The following C20orf96 variants were observed in gnomAD, a reference collection of about 807,000 sequenced individuals.
C20orf96 encodes chromosome 20 open reading frame 96, also known as uncharacterized protein C20orf96.
In C20orf96, 57 loss-of-function variants were observed where a neutral mutation model predicts 52.6. The observed-to-expected ratio is 1.08, with a 90% CI of 0.88 to 1.35. The LOEUF (loss-of-function observed/expected upper bound fraction) is 1.35. Among genes scored for constraint, C20orf96 ranks in the 40% most tolerant of loss-of-function variants. The pLI is 0.00. For missense variants in C20orf96, 478 were observed against 443.6 expected (o/e 1.08, Z -0.70); for synonymous variants, 168 against 157.2 (o/e 1.07, Z -0.51).
Position 275,904 on chromosome 20 carries a change from C to A in C20orf96, c.1031+64G>T, listed in dbSNP as rs564099467. 232 of 1,491,490 alleles carry A rather than the reference C, an allele frequency of 1.6e-4. 1 individual carries two copies. Among genetic ancestry groups the A allele is most frequent in the South Asian group, 1.2e-3 (105 of 88,530 alleles). The allele number at this position is 1,491,490 out of a possible 1,614,324, so 92.4% of individuals were successfully genotyped here. ...CACACCAGGCTGCCTTCCCCAAGAACAGAGAGCCTCCGTGAGCTCAGAGTG... is the reference window on the plus strand; with the variant it reads ...CACACCAGGCTGCCTTCCCCAAGAAAAGAGAGCCTCCGTGAGCTCAGAGTG... On this transcript the variant is annotated intron_variant, in intron 10 of 10. Transcript: ENST00000360321.
rs568247597 is a variant in C20orf96, at chr20:285,547, A to G, written c.188-1466T>C. Among the ~76,000 whole-genome samples the G allele has an allele frequency of 2.0e-5, 3 of 152,290 alleles. No individual in the cohort carries two copies. The East Asian group carries it at 5.8e-4, about 29-fold the overall frequency. On this transcript the variant is annotated intron_variant, in intron 3 of 10. Coordinates refer to ENST00000360321, the MANE Select transcript of C20orf96 (RefSeq NM_153269.3). ...ATTAATAGGTTAATCTTGTGATTCT[A>G]ATTTTAAAAGTGTAAGTGGGATTTT...
In C20orf96 at chr20:278,474, C is replaced by G. The variant is rs759529022; in HGVS notation, c.466-45G>C. On this transcript the variant is annotated intron_variant, in intron 5 of 10. Transcript: ENST00000360321. ...AACTCACCCACAGGCTCTGCTGGCT[C>G]TCAGAGGCGGCCACCCAGCACTTCC... is the stretch of plus-strand genomic sequence containing the variant. 6.1e-5 allele frequency: 93 copies of G among 1,513,354 alleles called. No individual in the cohort carries two copies. In the Middle Eastern group the frequency reaches 8.5e-4, roughly 14 times the overall value. 93.7% of individuals were successfully genotyped at this position (1,513,354 alleles called of 1,614,324 possible).
At chr20:274,085 C>A (rs79071004) in intron 10 of C20orf96, among the ~76,000 whole-genome samples, 19,593 of 151,992 alleles carry the variant, frequency 0.13, 1,910 homozygotes, top group African/African-American at 0.28. Flanking sequence ...GATTCATGAG[C>A]CCCACTGAGA....
intron 3 of C20orf96, among the ~76,000 whole-genome samples, chr20:285,130 C>A (rs1253547493): frequency 1.3e-5 from 2 of 152,162 alleles, no homozygotes; most frequent in African/African-American, 4.8e-5. Flanking sequence ...GAAGTGGGAC[C>A]ACAACACCAG....
chr20:287,908 C>CAAAAAAA lies in C20orf96; in HGVS notation c.187+1644_187+1650dup, dbSNP rs71327437. Among the ~76,000 whole-genome samples the CAAAAAAA allele has an allele frequency of 5.0e-3, 313 of 63,064 alleles. 13 individuals are homozygous for CAAAAAAA. The highest frequency in any genetic ancestry group is 0.017 in the African/African-American group (297 of 17,396). The allele number at this position is 63,064 out of a possible 152,430, so 41.4% of individuals were successfully genotyped here. A position where few individuals can be genotyped will look rare whatever the true frequency, so the allele number is the denominator to read the frequency against. On this transcript the variant is annotated intron_variant, in intron 3 of 10. Transcript: ENST00000360321. ...TGAGCAACAAAGCGAGACTCCTTCTCAAAAAAAAAAAAAAAAAAAAAAGTC... is the reference window on the plus strand; with the variant it reads ...TGAGCAACAAAGCGAGACTCCTTCTCAAAAAAAAAAAAAAAAAAAAAAAAAAAAAGTC...
chr20:290,055 C>G (rs2012496847), intron 2 of C20orf96, among the ~76,000 whole-genome samples: 2 of 152,148 alleles, frequency 1.3e-5, no homozygotes, highest in South Asian at 4.1e-4. Flanking sequence ...ATAATATACC[C>G]TTACATTCTG....
intron 10 of C20orf96, 146 bp from the exon 11 acceptor site, chr20:271,413 C>T (rs1600181301): frequency 1.7e-6 from 1 of 596,768 alleles, no homozygotes; most frequent in Non-Finnish European, 3.0e-6. Flanking sequence ...CTATCTGTGA[C>T]CTCAAAGCCC....
At position 277,347 on chromosome 20, in the gene C20orf96, A is replaced by G. The variant is rs112677690; in HGVS notation, c.602T>C (p.Ile201Thr). ...GTTCACTTCCTCCTGGGTCTTCTCA[A>G]TCTTGGCATTCAGCTGCTCTGCCTG... ...EQQAEQLNAK[I>T]EKTQEEVNFL... The change falls in exon 7 of 11, where the codon ATT (isoleucine) becomes ACT (threonine). Residue 201 changes from isoleucine to threonine, a missense_variant. Transcript: ENST00000360321. 55 of 1,614,074 alleles carry G rather than the reference A, an allele frequency of 3.4e-5. No individual in the cohort carries two copies. The African/African-American group carries it at 5.3e-4, about 16-fold the overall frequency.
intron 10 of C20orf96, among the ~76,000 whole-genome samples, chr20:272,368 TTTG>T (rs1326871428): frequency 3.9e-5 from 6 of 152,138 alleles, no homozygotes; most frequent in Non-Finnish European, 7.4e-5. Context: ...TGGTTTTTGT[TTTG>T]TTTTGTTTTG....
At chr20:273,670 G>GT (rs1454663339) in intron 10 of C20orf96, among the ~76,000 whole-genome samples, 1 of 151,694 alleles carries the variant, frequency 6.6e-6, no homozygotes, top group Non-Finnish European at 1.5e-5. Context: ...GAGGTCAGGA[G>GT]TTTGAGACCA....
At chr20:279,090 GGGACGGAGGGAC>G in intron 5 of C20orf96, 70 bp downstream of exon 5, 3 of 908,262 alleles carry the variant, frequency 3.3e-6, no homozygotes, top group African/African-American at 3.4e-5. Context: ...GACGGAGGGC[GGGACGGAGGGAC>G]GGAGGGAGGG....
intron 4 of C20orf96, among the ~76,000 whole-genome samples, chr20:279,566 G>C (rs1420829197): frequency 6.6e-6 from 1 of 152,142 alleles, no homozygotes; most frequent in Non-Finnish European, 1.5e-5. Flanking sequence ...CTGAGGTGCG[G>C]GTGCATCTAC....
intron 10 of C20orf96, 86 bp downstream of exon 10, chr20:275,882 A>C (rs1408247748): frequency 7.7e-7 from 1 of 1,302,206 alleles, no homozygotes; most frequent in Admixed American, 1.7e-5. Context: ...TGCCATCCAC[A>C]CCAGGCTGCC....
chr20:279,100 G>A, intron 5 of C20orf96, 72 bp downstream of exon 5: 1 of 985,526 alleles, frequency 1.0e-6, no homozygotes, highest in Non-Finnish European at 1.3e-6. Flanking sequence ...GGGACGGAGG[G>A]ACGGAGGGAG....
At chr20:273,479 C>G (rs2011905188) in intron 10 of C20orf96, among the ~76,000 whole-genome samples, 1 of 152,180 alleles carries the variant, frequency 6.6e-6, no homozygotes, top group Non-Finnish European at 1.5e-5. Flanking sequence ...AGCTCCGTGT[C>G]AATGCCAAGT....
chr20:289,691 A>G lies in C20orf96; in HGVS notation c.70-15T>C, dbSNP rs775785622. 7 of 1,575,970 alleles carry G rather than the reference A, an allele frequency of 4.4e-6. No individual in the cohort carries two copies. Among genetic ancestry groups the G allele is most frequent in the Non-Finnish European group, 5.2e-6 (6 of 1,145,384 alleles). The stretch of plus-strand genomic sequence containing the variant: ...GGAACATAATCCTACAAAATATACA[A>G]TCAGTCACATAGCACCATGAGTTTA... On this transcript the variant is annotated splice_polypyrimidine_tract_variant and intron_variant, in intron 2 of 10. Transcript: ENST00000360321.
chr20:282,840 C>G (rs2012286483), intron 4 of C20orf96, among the ~76,000 whole-genome samples: 1 of 152,068 alleles, frequency 6.6e-6, no homozygotes, highest in South Asian at 2.1e-4. Flanking sequence ...CCACTGCACT[C>G]CAGCCTGGGT....
intron 5 of C20orf96, 48 bp from the exon 6 acceptor site, chr20:278,477 A>G: frequency 1.4e-6 from 2 of 1,467,716 alleles, no homozygotes; most frequent in Non-Finnish European, 1.9e-6. Context: ...GCTGGCTCTC[A>G]GAGGCGGCCA....
chr20:290,114 C>A, intron 2 of C20orf96, 145 bp downstream of exon 2: 1 of 635,352 alleles, frequency 1.6e-6, no homozygotes, highest in South Asian at 2.0e-5. Flanking sequence ...TGCTCTGGGT[C>A]CCACAGCAAA....
Sources: allele counts gnomAD v4.1 joint callset (sites outside exome capture counted in the v4.1 genomes callset), GRCh38; gene constraint gnomAD v4.1.1; transcripts MANE v1.5; gene names NCBI Gene and HGNC (gene_info 2026-07-23, HGNC 2026-07-21).